The following PTPRT variants were observed in gnomAD, a reference collection of about 807,000 sequenced individuals.
The protein encoded by PTPRT is receptor-type tyrosine-protein phosphatase T.
In PTPRT, 56 loss-of-function variants were observed where a neutral mutation model predicts 176.8. The ratio of observed to expected loss-of-function variants is 0.32; its 90% CI spans 0.26 to 0.40. The LOEUF (loss-of-function observed/expected upper bound fraction) is 0.40, where lower values mean the gene tolerates loss of function less well. PTPRT is among the 10% of genes least tolerant of loss of function. The probability of loss-of-function intolerance (pLI) is 1.00; values close to 1 mark genes in which losing one functional copy is unlikely to be tolerated. For synonymous variants in PTPRT, 783 were observed against 739.0 expected (o/e 1.06, Z -0.96); for missense variants, 1,540 against 1,908.2 (o/e 0.81, Z 3.60).
intron 2 of PTPRT, among the ~76,000 whole-genome samples, chr20:42,840,962 G>A (rs115332363): frequency 0.016 from 2,458 of 152,176 alleles, 73 homozygotes; most frequent in African/African-American, 0.057. Flanking sequence ...TTGACTCAAA[G>A]CCTTTTGCCT....
At chr20:42,837,472 G>A (rs1338689682) in intron 2 of PTPRT, among the ~76,000 whole-genome samples, 1 of 152,162 alleles carries the variant, frequency 6.6e-6, no homozygotes, top group Non-Finnish European at 1.5e-5. Context: ...TGGTGACCAA[G>A]AGCACCACCC....
chr20:42,236,396 A>C, intron 14 of PTPRT, 138 bp from the exon 15 acceptor site: 1 of 689,918 alleles, frequency 1.4e-6, no homozygotes, highest in Admixed American at 2.7e-5. Flanking sequence ...CCTAAGCTCA[A>C]GGAGATGCAA....
At chr20:43,149,978 C>G (rs1017634334) in intron 1 of PTPRT, among the ~76,000 whole-genome samples, 2 of 152,178 alleles carry the variant, frequency 1.3e-5, no homozygotes, top group Admixed American at 6.5e-5. Flanking sequence ...ACTGTAAAGA[C>G]CAGAAAAGAA....
chr20:42,327,472 C>T (rs935977994), intron 11 of PTPRT, among the ~76,000 whole-genome samples: 2 of 151,910 alleles, frequency 1.3e-5, no homozygotes, highest in Admixed American at 1.3e-4. Flanking sequence ...ATTTCCTGAG[C>T]GTGATGATTG....
At chr20:42,579,857 T>C (rs953859098) in intron 7 of PTPRT, among the ~76,000 whole-genome samples, 8 of 152,226 alleles carry the variant, frequency 5.3e-5, no homozygotes, top group African/African-American at 1.9e-4. Flanking sequence ...GTAGGTTGCC[T>C]GTTCACTCTG....
intron 7 of PTPRT, among the ~76,000 whole-genome samples, chr20:42,605,529 G>C (rs999883897): frequency 6.6e-6 from 1 of 152,166 alleles, no homozygotes; most frequent in Non-Finnish European, 1.5e-5. Context: ...CTCAGCCATC[G>C]ATTCTCGACC....
intron 1 of PTPRT, among the ~76,000 whole-genome samples, chr20:42,894,033 A>T (rs983542384): frequency 9.9e-5 from 14 of 140,930 alleles, no homozygotes; most frequent in African/African-American, 3.4e-4. Context: ...ATTAAAAATT[A>T]AAAAATTAAA....
chr20:42,265,513 T>C (rs1416203103), intron 13 of PTPRT, among the ~76,000 whole-genome samples: 3 of 152,192 alleles, frequency 2.0e-5, no homozygotes, highest in Non-Finnish European at 4.4e-5. Flanking sequence ...CATCGTCTTA[T>C]TGGACATTCC....
intron 2 of PTPRT, among the ~76,000 whole-genome samples, chr20:42,832,430 T>C (rs573142371): frequency 1.3e-5 from 2 of 151,712 alleles, no homozygotes; most frequent in South Asian, 4.2e-4. Flanking sequence ...AGGACCTGGG[T>C]AACAAAATAA....
chr20:42,853,311 C>A (rs1345459434), intron 2 of PTPRT, among the ~76,000 whole-genome samples: 1 of 152,126 alleles, frequency 6.6e-6, no homozygotes, highest in Non-Finnish European at 1.5e-5. Flanking sequence ...TGGAAATTGG[C>A]TCATGCAATT....
chr20:42,549,052 C>T (rs1451666899), intron 7 of PTPRT, among the ~76,000 whole-genome samples: 1 of 152,134 alleles, frequency 6.6e-6, no homozygotes, highest in Non-Finnish European at 1.5e-5. Flanking sequence ...ATCTGTTATA[C>T]TTAGTCCAAC....
intron 2 of PTPRT, among the ~76,000 whole-genome samples, chr20:42,810,710 C>T (rs1031794457): frequency 1.3e-5 from 2 of 152,232 alleles, no homozygotes; most frequent in Admixed American, 6.5e-5. Flanking sequence ...GCATCAGATT[C>T]ACTGCAAGTA....
In PTPRT at chr20:43,170,166, A is replaced by AG. The variant is rs1491145223; in HGVS notation, c.88+19479_88+19480insC. ...GGAATTTCCCCCGTATATATACTCG[A>AG]TATATATACGGGGGAAATTCCTTAT... On this transcript the variant is annotated intron_variant, in intron 1 of 30. Coordinates refer to ENST00000373187, the MANE Select transcript of PTPRT (RefSeq NM_007050.6). Among the ~76,000 whole-genome samples, 49 of 148,984 alleles carry AG rather than the reference A, an allele frequency of 3.3e-4. 1 individual carries two copies. The highest frequency in any genetic ancestry group is 1.0e-3 in the African/African-American group (41 of 39,486).
intron 1 of PTPRT, among the ~76,000 whole-genome samples, chr20:42,893,400 T>G (rs371118067): frequency 6.6e-6 from 1 of 152,016 alleles, no homozygotes; most frequent in South Asian, 2.1e-4. Context: ...GGAACACTTT[T>G]ACACTGTTGG....
intron 1 of PTPRT, among the ~76,000 whole-genome samples, chr20:43,133,368 G>T (rs945164725): frequency 2.0e-5 from 3 of 152,180 alleles, no homozygotes; most frequent in African/African-American, 7.2e-5. Flanking sequence ...AGCTAAGAAA[G>T]ACAAAAGGGA....
In PTPRT at chr20:42,415,628, T is replaced by C. The variant is rs537499563; in HGVS notation, c.1560+32592A>G. On this transcript the variant is annotated intron_variant, in intron 9 of 30. Coordinates refer to ENST00000373187, the MANE Select transcript of PTPRT (RefSeq NM_007050.6). The stretch of plus-strand genomic sequence containing the variant: ...TGATATAATTACATGAAATAATCTA[T>C]AAAAATGCTAGCATAGGACTTGGCA... Among the ~76,000 whole-genome samples the C allele has an allele frequency of 5.9e-5, 9 of 152,326 alleles. No individual in the cohort carries two copies. In the South Asian group the frequency reaches 1.9e-3, roughly 32 times the overall value.
intron 15 of PTPRT, among the ~76,000 whole-genome samples, chr20:42,212,780 T>C (rs530808458): frequency 1.1e-4 from 16 of 152,362 alleles, no homozygotes; most frequent in Admixed American, 2.6e-4. Flanking sequence ...GGTATGATCA[T>C]ATTTTAAATA....
intron 23 of PTPRT, among the ~76,000 whole-genome samples, 175 bp downstream of exon 23, chr20:42,110,158 T>TGCCTCAGCCTCCCAGGTAGCTGGGATTAC (rs1266445002): frequency 1.3e-5 from 2 of 151,966 alleles, no homozygotes; most frequent in Non-Finnish European, 2.9e-5. Context: ...GCGATTCCTC[T>TGCCTCAGCCTCCCAGGTAGCTGGGATTAC]GCCTCAGCCT....
intron 1 of PTPRT, among the ~76,000 whole-genome samples, chr20:42,924,485 T>C (rs1000010258): frequency 6.6e-6 from 1 of 152,162 alleles, no homozygotes; most frequent in Admixed American, 6.5e-5. Flanking sequence ...AGTACTCCTA[T>C]AAGGAGCAAA....
Sources: gnomAD v4.1 joint callset for allele counts (sites outside exome capture counted in the v4.1 genomes callset) on GRCh38, gnomAD v4.1.1 for gene constraint, MANE v1.5 for transcripts, NCBI Gene and HGNC (gene_info 2026-07-23, HGNC 2026-07-21) for gene names.